BLK: variants seen among roughly 807,000 people sequenced by gnomAD.
BLK encodes the protein tyrosine-protein kinase Blk.
Under a neutral mutation model 61.8 loss-of-function variants are expected in BLK, and 64 were observed. The ratio of observed to expected loss-of-function variants is 1.03; its 90% confidence interval spans 0.85 to 1.27. The LOEUF (loss-of-function observed/expected upper bound fraction) is 1.27. BLK is among the 50% of genes most tolerant of loss of function. BLK has a pLI of 0.00. For synonymous variants in BLK, 351 were observed against 272.0 expected, an observed-to-expected ratio of 1.29 and a Z score of -2.86; for missense variants, 853 against 660.5, an observed-to-expected ratio of 1.29 and a Z score of -3.19.
chr8:11,560,950 C>A (rs1314051998), intron 10 of BLK: 6 of 492,868 alleles, frequency 1.2e-5, no homozygotes, highest in Non-Finnish European at 2.4e-5. Context: ...TCCCCCTCCC[C>A]CTCCTTCCTT....
In BLK at chr8:11,558,062, G is replaced by C. The variant is rs938903070; in HGVS notation, c.1029+24G>C. On this transcript the variant is annotated intron_variant, in intron 10 of 12. Transcript: ENST00000259089. ...AGGTTGGTGAAGTACCAGGTGCAGAGAAAGGGCGGCATGTGCCACCTGCTG... is the reference window on the plus strand; with the variant it reads ...AGGTTGGTGAAGTACCAGGTGCAGACAAAGGGCGGCATGTGCCACCTGCTG... The C allele has an allele frequency of 1.9e-6, 3 of 1,612,720 alleles. No homozygotes were observed. The African/African-American group carries it at 4.0e-5, about 22-fold the overall frequency.
At chr8:11,545,916 C>T (rs1800612733) in intron 2 of BLK, 136 bp from the exon 3 acceptor site, 3 of 901,350 alleles carry the variant, frequency 3.3e-6, no homozygotes, top group Non-Finnish European at 5.6e-6. Flanking sequence ...CCTGAGCAGC[C>T]CCCACAGGCA....
chr8:11,550,199 C>T lies in BLK; in HGVS notation c.409C>T (p.Gln137Ter), dbSNP rs1800838414. Reference sequence around the variant, plus strand: ...ACAGGGTCGGAAGGAGGCTGAGAGGCAGCTTCTTGCTCCAATCAACAAGGC... The same window carrying T: ...ACAGGGTCGGAAGGAGGCTGAGAGGTAGCTTCTTGCTCCAATCAACAAGGC... ...RSQGRKEAERQLLAPINKAGS... is the reference protein window; with the variant it reads ...RSQGRKEAER Residue 137 changes from glutamine to a stop codon, truncating the protein, a stop_gained, in exon 6 of 13, where the codon CAG becomes TAG. Transcript: ENST00000259089. LOFTEE classifies it high-confidence loss of function. 6.2e-7 allele frequency: 1 copy of T among 1,614,032 alleles called. No individual in the cohort carries two copies. The highest frequency in any genetic ancestry group is 1.3e-5 in the African/African-American group (1 of 74,934).
chr8:11,544,450 C>T (rs1036704767), intron 2 of BLK, among the ~76,000 whole-genome samples: 3 of 152,136 alleles, frequency 2.0e-5, no homozygotes, highest in African/African-American at 7.2e-5. Context: ...ATCCCACTTC[C>T]TAGATGAACC....
chr8:11,526,591 T>A (rs1329908490), intron 1 of BLK, among the ~76,000 whole-genome samples: 1 of 152,192 alleles, frequency 6.6e-6, no homozygotes, highest in Non-Finnish European at 1.5e-5. Flanking sequence ...TTGTGGCACA[T>A]GCCTGTCGTC....
intron 4 of BLK, 84 bp downstream of exon 4, chr8:11,548,209 T>G (rs1800736306): frequency 1.7e-6 from 2 of 1,154,202 alleles, no homozygotes; most frequent in Non-Finnish European, 2.6e-6. Flanking sequence ...ACATCCTCCA[T>G]GGCTGACCCT....
chr8:11,515,031 T>C (rs538330878), intron 1 of BLK, among the ~76,000 whole-genome samples: 2 of 152,252 alleles, frequency 1.3e-5, no homozygotes, highest in South Asian at 4.2e-4. Flanking sequence ...CCCGACAAGC[T>C]GCTGCTCTGA....
intron 1 of BLK, among the ~76,000 whole-genome samples, chr8:11,499,829 T>C (rs1010531299): frequency 1.3e-5 from 2 of 152,248 alleles, no homozygotes; most frequent in Non-Finnish European, 2.9e-5. Context: ...TGTCACAGTT[T>C]GTATTTCTGT....
intron 1 of BLK, among the ~76,000 whole-genome samples, chr8:11,525,592 C>G (rs1246485527): frequency 6.6e-6 from 1 of 152,152 alleles, no homozygotes; most frequent in Non-Finnish European, 1.5e-5. Flanking sequence ...ATTTGCTTAA[C>G]TTGATTTTAT....
At position 11,561,389 on chromosome 8, in the gene BLK, T is replaced by G. The variant is rs756202005; in HGVS notation, c.1117T>G (p.Cys373Gly). 1 of 1,614,152 alleles carries G rather than the reference T, an allele frequency of 6.2e-7. No homozygotes were observed. The highest frequency in any genetic ancestry group is 1.1e-5 in the South Asian group (1 of 91,066). Residue 373 changes from cysteine to glycine, a missense_variant, in exon 11 of 13, where the codon TGC becomes GGC. Transcript: ENST00000259089. ...CAACATCCTGGTGTCTGAGGCCTTG[T>G]GCTGCAAAATTGCTGATTTTGGCTT... Reference protein sequence around the residue: ...AANILVSEALCCKIADFGLAR... With the variant: ...AANILVSEALGCKIADFGLAR...
chr8:11,550,747 C>T (rs992015631), intron 6 of BLK, among the ~76,000 whole-genome samples: 1 of 152,254 alleles, frequency 6.6e-6, no homozygotes, highest in Non-Finnish European at 1.5e-5. Flanking sequence ...TCTAGACACT[C>T]ATGAGTTCAA....
At chr8:11,556,298 G>A in intron 8 of BLK, 1 of 359,046 alleles carries the variant, frequency 2.8e-6, no homozygotes, top group Non-Finnish European at 5.4e-6. Flanking sequence ...TGTACCCCAG[G>A]CTGTGTGCTT....
chr8:11,524,782 C>G (rs548207279), intron 1 of BLK, among the ~76,000 whole-genome samples: 4 of 152,138 alleles, frequency 2.6e-5, no homozygotes, highest in Non-Finnish European at 4.4e-5. Context: ...TTAAACCTCA[C>G]GATCAGATGC....
At chr8:11,509,749 G>A (rs922277076) in intron 1 of BLK, 2 of 152,126 alleles carry the variant, frequency 1.3e-5, no homozygotes, top group Admixed American at 6.5e-5. Flanking sequence ...CTTTTAAACT[G>A]TAAACATTAT....
rs184725649 is a variant in BLK, at chr8:11,504,961, T to C, written c.-2+10370T>C. Among the ~76,000 whole-genome samples the C allele has an allele frequency of 5.1e-3, 771 of 152,202 alleles. 10 individuals are homozygous for C. The highest frequency in any genetic ancestry group is 9.1e-3 in the Non-Finnish European group (620 of 68,006). On this transcript the variant is annotated intron_variant, in intron 1 of 12. Coordinates refer to ENST00000259089, the MANE Select transcript of BLK (RefSeq NM_001715.3). ...ACAAACACACATGCACAGAGACACG[T>C]ACAGACACATACATGCACACAGACA...
chr8:11,554,534 C>T lies in BLK; in HGVS notation c.473-209C>T, dbSNP rs141218621. On this transcript the variant is annotated intron_variant, in intron 6 of 12. Transcript: ENST00000259089. ...AGTTTTGCAGGATAGTGGGGGGATGCCAAGGTCAGAGTCAGATGGAACTTA... is the reference window on the plus strand; with the variant it reads ...AGTTTTGCAGGATAGTGGGGGGATGTCAAGGTCAGAGTCAGATGGAACTTA... Among the ~76,000 whole-genome samples the T allele has an allele frequency of 5.7e-3, 865 of 152,174 alleles. 8 individuals carry two copies. The highest frequency in any genetic ancestry group is 0.02 in the African/African-American group (819 of 41,510).
At chr8:11,535,261 G>GAAAAGA (rs769872213) in intron 1 of BLK, among the ~76,000 whole-genome samples, 1 of 110,454 alleles carries the variant, frequency 9.1e-6, no homozygotes, top group Non-Finnish European at 1.8e-5. Context: ...AAGAAAGAAA[G>GAAAAGA]AAGAAAGAAA....
At chr8:11,546,605 C>CG (rs564362250) in intron 3 of BLK, among the ~76,000 whole-genome samples, 15 of 152,216 alleles carry the variant, frequency 9.9e-5, no homozygotes, top group South Asian at 4.2e-4. Flanking sequence ...GACAGAGTCT[C>CG]GCTCTTGTCA....
intron 1 of BLK, among the ~76,000 whole-genome samples, chr8:11,514,291 C>T (rs538327715): frequency 6.6e-6 from 1 of 152,314 alleles, no homozygotes; most frequent in Admixed American, 6.5e-5. Flanking sequence ...TACTCCTGTC[C>T]ACTGTTCCAG....
Sources: gnomAD v4.1 joint callset for allele counts (sites outside exome capture counted in the v4.1 genomes callset) on GRCh38, gnomAD v4.1.1 for gene constraint, MANE v1.5 for transcripts, NCBI Gene and HGNC (gene_info 2026-07-23, HGNC 2026-07-21) for gene names.